Variants in DNASE1 observed in about 807,000 individuals in gnomAD.
DNASE1 encodes deoxyribonuclease 1.
A neutral mutation model predicts 33.9 loss-of-function variants in DNASE1; 40 were observed. That is an observed-to-expected ratio of 1.18 (90% CI 0.92 to 1.54). The LOEUF is 1.54. Among genes scored for constraint, DNASE1 ranks in the 40% most tolerant of loss-of-function variants. The pLI is 0.00. For missense variants in DNASE1, 518 were observed against 372.6 expected (o/e 1.39, Z -3.21); for synonymous variants, 216 against 160.0 (o/e 1.35, Z -2.64).
downstream of DNASE1, chr16:3,658,439 A>G (rs2042852801): frequency 1.7e-6 from 1 of 598,958 alleles, no homozygotes; most frequent in Non-Finnish European, 2.9e-6. Flanking sequence ...TTTTTAAAAC[A>G]GAATTTGGCT....
At chr16:3,658,763 C>T (rs767035294), downstream of DNASE1, 3 of 1,605,434 alleles carry the variant, frequency 1.9e-6, no homozygotes, top group African/African-American at 1.3e-5. Context: ...AGCCTGGGTC[C>T]CTGCAGTCAT....
At chr16:3,634,931 A>G (rs1239115991) in intron 1 of DNASE1, among the ~76,000 whole-genome samples, 1 of 152,038 alleles carries the variant, frequency 6.6e-6, no homozygotes, top group Non-Finnish European at 1.5e-5. Flanking sequence ...GACCTGCTTC[A>G]TTTCTGACCT....
downstream of DNASE1, chr16:3,659,516 A>T (rs1193650772): frequency 6.6e-6 from 1 of 152,200 alleles, no homozygotes; most frequent in African/African-American, 2.4e-5. Context: ...GACATATTTG[A>T]CGTCAGAACA....
rs760546693 is a variant in DNASE1, at chr16:3,655,410, C to G, written c.37C>G (p.Leu13Val). The G allele has an allele frequency of 1.7e-5, 27 of 1,613,964 alleles. No homozygotes were observed. In the South Asian group the frequency reaches 2.9e-4, roughly 17 times the overall value. ...GAAGCTGCTGGGGGCGCTGCTGGCA[C>G]TGGCGGCCCTACTGCAGGGGGCCGT... is the stretch of plus-strand genomic sequence containing the variant. ...GMKLLGALLA[L>V]AALLQGAVSL... Residue 13 changes from leucine to valine, a missense_variant, in exon 2 of 9, where the codon CTG becomes GTG. Coordinates refer to ENST00000246949, the MANE Select transcript of DNASE1 (RefSeq NM_005223.4).
chr16:3,658,307 C>CAAA, downstream of DNASE1: 2 of 1,212,036 alleles, frequency 1.7e-6, no homozygotes, highest in African/African-American at 3.1e-5. Context: ...GACAGAGTCT[C>CAAA]ACTGTTGCCG....
chr16:3,620,208 G>T (rs535030030), intron 1 of DNASE1, among the ~76,000 whole-genome samples: 1 of 152,062 alleles, frequency 6.6e-6, no homozygotes, highest in African/African-American at 2.4e-5. Flanking sequence ...GAGCCACCTC[G>T]CCAGGCCTGT....
At chr16:3,663,699 G>A in exon 10 of DNASE1, 4 of 1,097,348 alleles carry the variant, frequency 3.6e-6, no homozygotes, top group Non-Finnish European at 5.1e-6. Flanking sequence ...GGGTTCCTAG[G>A]CCTGCATGAC....
chr16:3,654,529 A>T (rs1221833651), upstream of DNASE1: 3 of 398,550 alleles, frequency 7.5e-6, no homozygotes, highest in Non-Finnish European at 1.3e-5. Flanking sequence ...CAGACAAGAG[A>T]CAGGGAGACT....
downstream of DNASE1, chr16:3,661,983 T>A: frequency 6.3e-7 from 1 of 1,598,366 alleles, no homozygotes. Flanking sequence ...GAGCGTGGCC[T>A]CACCTGGGGT....
chr16:3,643,382 G>T (rs957862536), intron 1 of DNASE1, among the ~76,000 whole-genome samples: 2 of 152,266 alleles, frequency 1.3e-5, no homozygotes, highest in Non-Finnish European at 2.9e-5. Context: ...ATAGGTTGGG[G>T]CCTGTCAGGT....
chr16:3,631,408 T>G (rs766566157), intron 1 of DNASE1, among the ~76,000 whole-genome samples: 4 of 152,174 alleles, frequency 2.6e-5, no homozygotes, highest in Non-Finnish European at 5.9e-5. Flanking sequence ...TTTCACCATA[T>G]TGGTCAGGCT....
upstream of DNASE1, among the ~76,000 whole-genome samples, chr16:3,642,533 A>ACCTTT (rs1444384216): frequency 6.7e-6 from 1 of 149,352 alleles, no homozygotes; most frequent in Non-Finnish European, 1.5e-5. Context: ...TTCATCCAGC[A>ACCTTT]TGTTCTCCGT....
At chr16:3,664,436 G>C (rs763627958) in exon 10 of DNASE1, 3 of 1,611,910 alleles carry the variant, frequency 1.9e-6, no homozygotes, top group African/African-American at 2.7e-5. Context: ...AGGACTCGTA[G>C]CGCAGCAGCT....
chr16:3,618,463 C>G (rs2041186262), intron 1 of DNASE1, among the ~76,000 whole-genome samples: 1 of 152,336 alleles, frequency 6.6e-6, no homozygotes, highest in South Asian at 2.1e-4. Flanking sequence ...GGCGCGGTGG[C>G]TCACGCCCGT....
At chr16:3,630,026 C>A (rs1401781616) in intron 1 of DNASE1, among the ~76,000 whole-genome samples, 2 of 152,038 alleles carry the variant, frequency 1.3e-5, no homozygotes, top group Admixed American at 1.3e-4. Context: ...ACCATGTTGG[C>A]CAGACTGGTC....
chr16:3,649,827 T>G (rs2042280290), upstream of DNASE1, among the ~76,000 whole-genome samples: 1 of 151,978 alleles, frequency 6.6e-6, no homozygotes, highest in African/African-American at 2.4e-5. Context: ...AGGAGCTTCT[T>G]AAGTTAAATC....
chr16:3,631,672 A>G (rs1030553604), intron 1 of DNASE1, among the ~76,000 whole-genome samples: 3 of 151,864 alleles, frequency 2.0e-5, no homozygotes, highest in African/African-American at 7.3e-5. Context: ...ATAAGCACGC[A>G]CTACCATGCC....
chr16:3,635,263 G>C (rs1330933044), intron 1 of DNASE1, among the ~76,000 whole-genome samples: 1 of 151,922 alleles, frequency 6.6e-6, no homozygotes, highest in Non-Finnish European at 1.5e-5. Flanking sequence ...TTCAAGACCA[G>C]CCTGGCCAAC....
At chr16:3,629,171 CA>C (rs536378443) in intron 1 of DNASE1, among the ~76,000 whole-genome samples, 7,423 of 55,098 alleles carry the variant, frequency 0.13, 147 homozygotes, top group Non-Finnish European at 0.15. Flanking sequence ...GACTAAGTCT[CA>C]AAAAAAAAAA....
Sources: gnomAD v4.1 joint callset for allele counts (sites outside exome capture counted in the v4.1 genomes callset) on GRCh38, gnomAD v4.1.1 for gene constraint, MANE v1.5 for transcripts, NCBI Gene and HGNC (gene_info 2026-07-23, HGNC 2026-07-21) for gene names.